GRIP1: variants seen among roughly 807,000 people sequenced by gnomAD.
The protein encoded by GRIP1 is glutamate receptor interacting protein 1.
A neutral mutation model predicts 129.9 loss-of-function variants in GRIP1; 45 were observed. That is an observed-to-expected ratio of 0.35 (90% CI 0.27 to 0.44). The LOEUF (loss-of-function observed/expected upper bound fraction) is 0.44, where lower values mean the gene tolerates loss of function less well. Among genes scored for constraint, GRIP1 ranks in the 20% least tolerant of loss-of-function variants. The probability of loss-of-function intolerance (pLI) is 1.00; values close to 1 mark genes in which losing one functional copy is unlikely to be tolerated. For missense variants in GRIP1, 1,196 were observed against 1,396.8 expected (o/e 0.86, Z 2.29); for synonymous variants, 530 against 520.8 (o/e 1.02, Z -0.24).
Position 66,371,926 on chromosome 12 carries a change from G to A in GRIP1, c.2780C>T (p.Ala927Val), listed in dbSNP as rs1293913640. The change falls in exon 23 of 25, where the codon GCA becomes GTA. Residue 927 changes from alanine (A) to valine (V), a missense_variant and splice_region_variant. This residue lies in a region of GRIP1 where 427 missense variants were observed against 463.3 expected (regional missense o/e 0.92). Coordinates refer to ENST00000359742, the MANE Select transcript of GRIP1 (RefSeq NM_001366722.1). ...CATCGTGCTCCCCGACATGATTGTT[G>A]CCTGTGGCATTGACAATTTTTAGAA... ...RVSLRNMTLLATIMSGSTMSL... is the reference protein window; with the variant it reads ...RVSLRNMTLLVTIMSGSTMSL... 1 of 1,599,472 alleles carries A rather than the reference G, an allele frequency of 6.3e-7. No homozygotes were observed.
At chr12:66,954,141 C>T (rs949357983) in intron 1 of GRIP1, among the ~76,000 whole-genome samples, 23 of 152,292 alleles carry the variant, frequency 1.5e-4, no homozygotes, top group African/African-American at 5.1e-4. Flanking sequence ...TTTCCACTAT[C>T]AGTGGATCTG....
chr12:66,942,534 G>A (rs144090723), intron 1 of GRIP1, among the ~76,000 whole-genome samples: 2 of 152,302 alleles, frequency 1.3e-5, no homozygotes, highest in East Asian at 3.9e-4. Flanking sequence ...AATAGTCTGT[G>A]GGTGTGATAT....
Position 66,496,052 on chromosome 12 carries a change from C to T in GRIP1, c.724+19567G>A, listed in dbSNP as rs1257462526. Among the ~76,000 whole-genome samples the T allele has an allele frequency of 2.6e-5, 4 of 152,200 alleles. No individual in the cohort carries two copies. In the East Asian group the frequency reaches 7.7e-4, roughly 29 times the overall value. ...AGTTAATGATAACCACTCCTTTCCA[C>T]TCTCTGAAAGAGTGTGTGTGGCTCA... On this transcript the variant is annotated intron_variant, in intron 7 of 24. Coordinates refer to ENST00000359742, the MANE Select transcript of GRIP1 (RefSeq NM_001366722.1).
At chr12:66,627,500 T>C (rs11176335) in intron 1 of GRIP1, among the ~76,000 whole-genome samples, 30,131 of 152,158 alleles carry the variant, frequency 0.2, 3,108 homozygotes, top group Non-Finnish European at 0.23. Flanking sequence ...CACAGTGTAG[T>C]TGGGGAGGGT....
At position 66,609,773 on chromosome 12, in the gene GRIP1, A is replaced by C. The variant is rs531764353; in HGVS notation, c.56-12846T>G. 2.0e-5 allele frequency among the ~76,000 whole-genome samples: 3 copies of C among 152,280 alleles called. No homozygotes were observed. The East Asian group carries it at 5.8e-4, about 29-fold the overall frequency. ...GAGCATTATACTCAGGACTCTTCCA[A>C]TTTTGCAGTAAATGAGTTACTGACA... On this transcript the variant is annotated intron_variant, in intron 1 of 24. Coordinates refer to ENST00000359742, the MANE Select transcript of GRIP1 (RefSeq NM_001366722.1).
At chr12:66,534,251 T>C (rs905274844) in intron 4 of GRIP1, among the ~76,000 whole-genome samples, 2 of 152,214 alleles carry the variant, frequency 1.3e-5, no homozygotes, top group African/African-American at 4.8e-5. Context: ...CTTTATTGTA[T>C]GACAGGGAAA....
At chr12:66,594,865 T>G (rs1412685166) in intron 2 of GRIP1, among the ~76,000 whole-genome samples, 1 of 152,198 alleles carries the variant, frequency 6.6e-6, no homozygotes, top group African/African-American at 2.4e-5. Flanking sequence ...CTCTTCTTTT[T>G]GCCAGAACAA....
At chr12:66,382,803 A>G (rs1054038440) in intron 19 of GRIP1, among the ~76,000 whole-genome samples, 2 of 152,230 alleles carry the variant, frequency 1.3e-5, no homozygotes, top group African/African-American at 4.8e-5. Flanking sequence ...TATGTATAGG[A>G]GAAGGAGAAG....
intron 7 of GRIP1, among the ~76,000 whole-genome samples, chr12:66,470,452 A>C (rs2059406626): frequency 6.8e-6 from 1 of 147,242 alleles, no homozygotes. Context: ...TTTTTTTTTT[A>C]ACAACTGCTC....
chr12:66,401,962 T>C (rs1354565328), intron 16 of GRIP1, among the ~76,000 whole-genome samples: 1 of 152,102 alleles, frequency 6.6e-6, no homozygotes, highest in African/African-American at 2.4e-5. Context: ...TGGCCCCCCA[T>C]TGGTTTCTGG....
chr12:66,969,653 G>A (rs1476144470), intron 1 of GRIP1, among the ~76,000 whole-genome samples: 1 of 152,072 alleles, frequency 6.6e-6, no homozygotes, highest in African/African-American at 2.4e-5. Context: ...TTGGGCTCAA[G>A]CAATCCTCCT....
chr12:66,692,398 C>T (rs1428414858), intron 1 of GRIP1, among the ~76,000 whole-genome samples: 2 of 152,178 alleles, frequency 1.3e-5, no homozygotes, highest in African/African-American at 4.8e-5. Flanking sequence ...GGCACTGCGT[C>T]TACATGGCAT....
chr12:66,553,332 C>T (rs920682332), intron 2 of GRIP1, among the ~76,000 whole-genome samples: 2 of 152,052 alleles, frequency 1.3e-5, no homozygotes, highest in Non-Finnish European at 2.9e-5. Context: ...CTCATTTCCT[C>T]CCTCCTTCCC....
intron 1 of GRIP1, among the ~76,000 whole-genome samples, chr12:66,622,553 C>T (rs375452396): frequency 6.6e-6 from 1 of 151,958 alleles, no homozygotes; most frequent in South Asian, 2.1e-4. Flanking sequence ...ATACTATGTA[C>T]CCATTAAAAC....
chr12:66,627,298 C>A (rs1565921758), intron 1 of GRIP1, among the ~76,000 whole-genome samples: 2 of 152,186 alleles, frequency 1.3e-5, no homozygotes, highest in South Asian at 2.1e-4. Flanking sequence ...GGCAGGACTA[C>A]CAAACAGACT....
At chr12:66,394,603 G>A (rs2056720946) in intron 16 of GRIP1, among the ~76,000 whole-genome samples, 2 of 152,220 alleles carry the variant, frequency 1.3e-5, no homozygotes, top group Admixed American at 1.3e-4. Flanking sequence ...GATCCGCCCA[G>A]CTGGGGCTGC....
In GRIP1 at chr12:66,818,238, A is replaced by G. The variant is rs145461800; in HGVS notation, c.59-221311T>C. 1.6e-3 allele frequency among the ~76,000 whole-genome samples: 247 copies of G among 152,308 alleles called. 1 individual carries two copies. The highest frequency in any genetic ancestry group is 5.5e-3 in the African/African-American group (229 of 41,570). ...ATGTTAATACATTTCATGTTTCATT[A>G]TACAATATCAAAACATCACATTCAT... On this transcript the variant is annotated intron_variant, in intron 1 of 1. Transcript: ENST00000643019.
intron 7 of GRIP1, among the ~76,000 whole-genome samples, chr12:66,495,876 G>A (rs1301750595): frequency 6.6e-6 from 1 of 152,196 alleles, no homozygotes; most frequent in African/African-American, 2.4e-5. Context: ...CCGGCAGCGC[G>A]AAACATTTCA....
In GRIP1 at chr12:66,827,708, G is replaced by T. The variant is rs189084359; in HGVS notation, c.59-230781C>A. The stretch of plus-strand genomic sequence containing the variant: ...AGTGCAAGAATGACAATGTTGATTT[G>T]AAAAACATGAAAAAAATTCTCCCTT... On this transcript the variant is annotated intron_variant, in intron 1 of 1. Transcript: ENST00000643019. Among the ~76,000 whole-genome samples, 12 of 152,098 alleles carry T rather than the reference G, an allele frequency of 7.9e-5. No homozygotes were observed. The East Asian group carries it at 2.1e-3, about 27-fold the overall frequency.
Sources: allele counts gnomAD v4.1 joint callset (sites outside exome capture counted in the v4.1 genomes callset), GRCh38; gene constraint gnomAD v4.1.1; regional missense constraint gnomAD v4.1.1; transcripts MANE v1.5; gene names NCBI Gene and HGNC (gene_info 2026-07-23, HGNC 2026-07-21).